NRDC: variants seen among roughly 807,000 people sequenced by gnomAD.
The protein encoded by NRDC is nardilysin convertase.
In NRDC, 54 loss-of-function variants were observed where a neutral mutation model predicts 147.1. The observed-to-expected ratio is 0.37, with a 90% CI of 0.29 to 0.46. The LOEUF (loss-of-function observed/expected upper bound fraction) is 0.46, where lower values mean the gene tolerates loss of function less well. NRDC is among the 20% of genes least tolerant of loss of function. The pLI, the probability that NRDC is intolerant of heterozygous loss-of-function variation, is 1.00. For missense variants in NRDC, 1,082 were observed against 1,370.6 expected, an observed-to-expected ratio of 0.79 and a Z score of 3.33; for synonymous variants, 440 against 482.1, an observed-to-expected ratio of 0.91 and a Z score of 1.14.
rs539233666 is a variant in NRDC, at chr1:51,795,934, G to C, written c.2605-1080C>G. 4.0e-5 allele frequency among the ~76,000 whole-genome samples: 6 copies of C among 151,280 alleles called. No homozygotes were observed. In the East Asian group the frequency reaches 1.2e-3, roughly 29 times the overall value. Reference sequence around the variant, plus strand: ...CTTGCTTTATTGCCCAGGCTGGAGGGCAGTGGCATGACCTCAGCTCACTGC... The same window carrying C: ...CTTGCTTTATTGCCCAGGCTGGAGGCCAGTGGCATGACCTCAGCTCACTGC... On this transcript the variant is annotated intron_variant, in intron 22 of 30. Coordinates refer to ENST00000352171, the MANE Select transcript of NRDC (RefSeq NM_001101662.2).
intron 1 of NRDC, among the ~76,000 whole-genome samples, chr1:51,846,984 C>T (rs766495797): frequency 2.8e-4 from 43 of 152,118 alleles, no homozygotes; most frequent in Non-Finnish European, 7.3e-5. Flanking sequence ...GAGCTAGACA[C>T]AGAGTGCTGA....
rs764199602 is a variant in NRDC at position 51,790,570 on chromosome 1, A to G, written c.3131T>C (p.Val1044Ala). The change falls in exon 29 of 31, where the codon GTT becomes GCT. Residue 1044 changes from valine (V) to alanine (A), a missense_variant. This residue lies in a region of NRDC where 187 missense variants were observed against 193.6 expected (regional missense o/e 0.97). Coordinates refer to ENST00000352171, the MANE Select transcript of NRDC (RefSeq NM_001101662.2). Reference sequence around the variant, plus strand: ...GCGGTCAAAGAGGTACTGCTGTGTAACCACTTCATTCCAGTTCCTATCCAC... The same window carrying G: ...GCGGTCAAAGAGGTACTGCTGTGTAGCCACTTCATTCCAGTTCCTATCCAC... ...EEVDRNWNEVVTQQYLFDRLA... is the reference protein window; with the variant it reads ...EEVDRNWNEVATQQYLFDRLA... 2.5e-6 allele frequency: 4 copies of G among 1,613,970 alleles called. No individual in the cohort carries two copies. Among genetic ancestry groups the G allele is most frequent in the Non-Finnish European group, 2.5e-6 (3 of 1,179,852 alleles).
At chr1:51,849,389 T>C (rs1467959829) in intron 1 of NRDC, among the ~76,000 whole-genome samples, 1 of 149,264 alleles carries the variant, frequency 6.7e-6, no homozygotes, top group East Asian at 2.0e-4. Flanking sequence ...CACTACAACT[T>C]GGGCGACAGG....
chr1:51,790,798 T>C (rs1678593876), intron 28 of NRDC, 102 bp downstream of exon 28: 2 of 1,011,180 alleles, frequency 2.0e-6, no homozygotes, highest in Non-Finnish European at 3.0e-6. Flanking sequence ...AAGAGGAAGG[T>C]GGGGCTGCAA....
intron 1 of NRDC, among the ~76,000 whole-genome samples, chr1:51,870,594 A>G (rs1207690659): frequency 2.0e-5 from 3 of 152,096 alleles, no homozygotes; most frequent in Non-Finnish European, 4.4e-5. Flanking sequence ...TGACTACTTT[A>G]CAAATAAGAG....
intron 1 of NRDC, among the ~76,000 whole-genome samples, chr1:51,848,105 T>C (rs2149231924): frequency 6.6e-6 from 1 of 152,330 alleles, no homozygotes; most frequent in Non-Finnish European, 1.5e-5. Context: ...GAACAAAATG[T>C]CCTTTATCGT....
intron 29 of NRDC, 167 bp from the exon 30 acceptor site, chr1:51,789,824 C>G: frequency 3.3e-6 from 2 of 604,912 alleles, no homozygotes; most frequent in Non-Finnish European, 2.9e-6. Flanking sequence ...TGATGAAGCT[C>G]TCTGGCATGC....
At chr1:51,846,602 T>A (rs1571898719) in intron 1 of NRDC, among the ~76,000 whole-genome samples, 1 of 152,228 alleles carries the variant, frequency 6.6e-6, no homozygotes, top group South Asian at 2.1e-4. Context: ...TGCCTGTGGG[T>A]TCGTACTCTC....
intron 7 of NRDC, 86 bp downstream of exon 7, chr1:51,823,578 T>C: frequency 1.0e-6 from 1 of 956,006 alleles, no homozygotes; most frequent in Non-Finnish European, 1.5e-6. Context: ...AAGTAATTAA[T>C]AGTACACTAC....
chr1:51,789,521 A>C, intron 30 of NRDC, 47 bp downstream of exon 30: 7 of 1,588,294 alleles, frequency 4.4e-6, no homozygotes, highest in South Asian at 1.1e-5. Context: ...AAACTCACTC[A>C]GTAAATGACA....
chr1:51,869,327 T>C (rs1682971049), intron 1 of NRDC, among the ~76,000 whole-genome samples: 1 of 152,214 alleles, frequency 6.6e-6, no homozygotes, highest in South Asian at 2.1e-4. Flanking sequence ...TATTTAACAC[T>C]TATCTTCTTG....
At chr1:51,850,878 C>T (rs1469332014) in intron 1 of NRDC, among the ~76,000 whole-genome samples, 8 of 152,174 alleles carry the variant, frequency 5.3e-5, no homozygotes, top group Admixed American at 2.0e-4. Flanking sequence ...TAAATAAACA[C>T]CATGCCTTCC....
chr1:51,807,328 T>G (rs993886805), intron 17 of NRDC, among the ~76,000 whole-genome samples: 1 of 152,256 alleles, frequency 6.6e-6, no homozygotes, highest in African/African-American at 2.4e-5. Flanking sequence ...CTTGTCCTTT[T>G]GGTTAATTAA....
rs1242316105 is a variant in NRDC at position 51,805,526 on chromosome 1, G to C, written c.2146C>G (p.Gln716Glu). 1 of 1,585,866 alleles carries C rather than the reference G, an allele frequency of 6.3e-7. No homozygotes were observed. Among genetic ancestry groups the C allele is most frequent in the East Asian group, 2.3e-5 (1 of 43,898 alleles). ...ATTGCTTACTTTGCTGCAGATTTCT[G>C]TATCAACGGTGAAATTAGATGGAAA... Reference protein sequence around the residue: ...IRFHLISPLIQKSAANVVLFD... With the variant: ...IRFHLISPLIEKSAANVVLFD... Residue 716 changes from glutamine (Q) to glutamate (E), a missense_variant, in exon 19 of 31, where the codon CAG (glutamine) becomes GAG (glutamate). By Grantham distance (29) the Gln-to-Glu change is conservative. This residue lies in a region of NRDC where 635 missense variants were observed against 923.8 expected (regional missense o/e 0.69). Coordinates refer to ENST00000352171, the MANE Select transcript of NRDC (RefSeq NM_001101662.2).
chr1:51,798,218 A>G (rs1221873477), intron 22 of NRDC, 31 bp downstream of exon 22: 1 of 1,609,180 alleles, frequency 6.2e-7, no homozygotes, highest in Non-Finnish European at 8.5e-7. Context: ...AACTGCATTC[A>G]GACCTGGCCT....
At chr1:51,860,951 CTTTTT>C (rs528761936) in intron 1 of NRDC, among the ~76,000 whole-genome samples, 3 of 139,472 alleles carry the variant, frequency 2.2e-5, no homozygotes, top group African/African-American at 2.6e-5. Flanking sequence ...GGTATTACTT[CTTTTT>C]TTTTTTTTTT....
chr1:51,876,303 A>G (rs947118699), intron 1 of NRDC, among the ~76,000 whole-genome samples: 5 of 152,216 alleles, frequency 3.3e-5, no homozygotes, highest in African/African-American at 1.2e-4. Flanking sequence ...ACTCGGGACC[A>G]AAAGTATTTC....
At chr1:51,809,815 T>C (rs894398048) in intron 16 of NRDC, among the ~76,000 whole-genome samples, 8 of 152,008 alleles carry the variant, frequency 5.3e-5, no homozygotes, top group Middle Eastern at 3.4e-3. Context: ...GACAGGAGAA[T>C]TGCTTGAACC....
At chr1:51,837,810 G>A (rs370638212) in intron 2 of NRDC, among the ~76,000 whole-genome samples, 7 of 152,098 alleles carry the variant, frequency 4.6e-5, no homozygotes, top group Non-Finnish European at 8.8e-5. Context: ...GGAGGAAAAC[G>A]GAGAGGGATA....
Sources: allele counts gnomAD v4.1 joint callset (sites outside exome capture counted in the v4.1 genomes callset), GRCh38; gene constraint gnomAD v4.1.1; regional missense constraint gnomAD v4.1.1; transcripts MANE v1.5; gene names NCBI Gene and HGNC (gene_info 2026-07-23, HGNC 2026-07-21).